Variants in SLC24A4 observed in about 807,000 individuals in gnomAD.
SLC24A4 encodes sodium/potassium/calcium exchanger 4.
Under a neutral mutation model 79.0 loss-of-function variants are expected in SLC24A4, and 53 were observed. The observed-to-expected ratio is 0.67, with a 90% CI of 0.54 to 0.84. The LOEUF is 0.84. Ranked by LOEUF, SLC24A4 falls within the 40% of genes least tolerant of loss-of-function variation. SLC24A4 has a pLI of 0.00. For synonymous variants in SLC24A4, 323 were observed against 323.8 expected (o/e 1.00, Z 0.03); for missense variants, 731 against 822.0 (o/e 0.89, Z 1.35).
chr14:92,453,661 G>A (rs1595307160), intron 10 of SLC24A4: 8 of 448,342 alleles, frequency 1.8e-5, no homozygotes, highest in Admixed American at 4.5e-5. Context: ...GCCCACGAGT[G>A]GTCCTGGAGC....
Position 92,376,450 on chromosome 14 carries a change from C to T in SLC24A4, c.241+50472C>T, listed in dbSNP as rs184108192. Among the ~76,000 whole-genome samples, 172 of 152,358 alleles carry T rather than the reference C, an allele frequency of 1.1e-3. 3 individuals are homozygous for T. Among genetic ancestry groups the T allele is most frequent in the Admixed American group, 0.011 (162 of 15,304 alleles). On this transcript the variant is annotated intron_variant, in intron 2 of 16. Coordinates refer to ENST00000532405, the MANE Select transcript of SLC24A4 (RefSeq NM_153646.4). ...GCCCACGCATGTTCCCAGGCCACGT[C>T]GGGGCAGCTGGGGGCAGCGTGGGAG...
intron 2 of SLC24A4, among the ~76,000 whole-genome samples, chr14:92,383,048 A>G (rs1888943933): frequency 6.6e-6 from 1 of 152,028 alleles, no homozygotes; most frequent in Non-Finnish European, 1.5e-5. Flanking sequence ...CCCACTGGCC[A>G]CGTGTGGACC....
chr14:92,413,163 C>T (rs937899545), intron 2 of SLC24A4, among the ~76,000 whole-genome samples: 3 of 152,144 alleles, frequency 2.0e-5, no homozygotes, highest in Admixed American at 1.3e-4. Context: ...ATACTCTCAT[C>T]CTGTCGTTGC....
At chr14:92,402,452 A>G (rs942604230) in intron 2 of SLC24A4, among the ~76,000 whole-genome samples, 1 of 152,170 alleles carries the variant, frequency 6.6e-6, no homozygotes, top group African/African-American at 2.4e-5. Context: ...CCAGCCAGGT[A>G]ATATAGGCAG....
chr14:92,382,784 A>G (rs1322046380), intron 2 of SLC24A4, among the ~76,000 whole-genome samples: 1 of 152,222 alleles, frequency 6.6e-6, no homozygotes, highest in Non-Finnish European at 1.5e-5. Context: ...AATTGCCAGG[A>G]AAAGTGGACC....
In SLC24A4 at chr14:92,491,708, G is replaced by A. The variant is rs771075449; in HGVS notation, c.1581G>A (p.Val527=). The change falls in exon 15 of 17, where the codon GTG becomes GTA. Residue 527 remains valine, a synonymous_variant. Transcript: ENST00000532405. ...MAVSNTIGSN[V]FDILVGLGVP... is the part of the protein sequence containing the mutation. Reference sequence around the variant, plus strand: ...TCTCCAACACCATAGGAAGCAACGTGTTTGACATCCTGGTAGGACTTGGTG... The same window carrying A: ...TCTCCAACACCATAGGAAGCAACGTATTTGACATCCTGGTAGGACTTGGTG... The A allele has an allele frequency of 1.2e-6, 2 of 1,614,032 alleles. No individual in the cohort carries two copies. The highest frequency in any genetic ancestry group is 2.2e-5 in the East Asian group (1 of 44,888).
intron 2 of SLC24A4, among the ~76,000 whole-genome samples, chr14:92,343,954 T>C (rs1886381102): frequency 6.6e-6 from 1 of 152,134 alleles, no homozygotes; most frequent in Non-Finnish European, 1.5e-5. Context: ...CCACCTGCTT[T>C]GGCCTCCCAA....
chr14:92,478,741 C>T (rs956846796), intron 12 of SLC24A4, among the ~76,000 whole-genome samples: 1 of 151,726 alleles, frequency 6.6e-6, no homozygotes, highest in Non-Finnish European at 1.5e-5. Flanking sequence ...TTCTGCTCAG[C>T]TACCTGGGAT....
intron 10 of SLC24A4, chr14:92,452,457 G>A (rs1893194915): frequency 6.6e-6 from 1 of 152,144 alleles, no homozygotes; most frequent in South Asian, 2.1e-4. Flanking sequence ...TCATCCCAAA[G>A]GCCAGAGGCC....
intron 2 of SLC24A4, among the ~76,000 whole-genome samples, chr14:92,364,815 C>A (rs1055895890): frequency 6.6e-6 from 1 of 152,226 alleles, no homozygotes; most frequent in Non-Finnish European, 1.5e-5. Flanking sequence ...CCTGCTCCAT[C>A]ATAGCCAACG....
intron 2 of SLC24A4, among the ~76,000 whole-genome samples, chr14:92,403,081 C>T (rs1433664213): frequency 1.3e-5 from 2 of 152,112 alleles, no homozygotes; most frequent in East Asian, 3.9e-4. Context: ...GCTTTCAGGT[C>T]CTGCAGAAGG....
chr14:92,501,087 G>A lies in SLC24A4; in HGVS notation c.*7459G>A, dbSNP rs1228877171. 1 of 152,208 alleles carries A rather than the reference G, an allele frequency of 6.6e-6. No individual in the cohort carries two copies. Among genetic ancestry groups the A allele is most frequent in the Admixed American group, 6.5e-5 (1 of 15,284 alleles). 9.4% of individuals were successfully genotyped at this position (152,208 alleles called of 1,614,324 possible). A position where few individuals can be genotyped will look rare whatever the true frequency, so the allele number is the denominator to read the frequency against. ...ACTAAAACGAAGAACTTCTGGGGCT[G>A]TTCACACATTGTTCAAGTCACCCCA... On this transcript the variant is annotated 3_prime_UTR_variant, in exon 17 of 17. Transcript: ENST00000532405.
intron 2 of SLC24A4, among the ~76,000 whole-genome samples, chr14:92,367,202 T>A (rs2141678741): frequency 6.6e-6 from 1 of 152,332 alleles, no homozygotes; most frequent in South Asian, 2.1e-4. Flanking sequence ...AACCAGAGTG[T>A]GTCCAACATG....
intron 12 of SLC24A4, among the ~76,000 whole-genome samples, chr14:92,458,289 G>A (rs902172368): frequency 3.9e-5 from 6 of 152,176 alleles, no homozygotes; most frequent in Non-Finnish European, 8.8e-5. Flanking sequence ...TCCCTGACTG[G>A]GGTCACAGAG....
At chr14:92,357,397 C>A (rs2141657488) in intron 2 of SLC24A4, among the ~76,000 whole-genome samples, 1 of 152,284 alleles carries the variant, frequency 6.6e-6, no homozygotes, top group East Asian at 1.9e-4. Context: ...TACACCCAGG[C>A]ACATGGCAGC....
intron 10 of SLC24A4, chr14:92,451,148 A>C (rs1449774041): frequency 6.6e-6 from 1 of 152,290 alleles, no homozygotes; most frequent in African/African-American, 2.4e-5. Flanking sequence ...ATGCATTTAG[A>C]TAAGGGCCAA....
intron 2 of SLC24A4, among the ~76,000 whole-genome samples, chr14:92,417,985 C>G (rs1891074795): frequency 6.6e-6 from 1 of 152,208 alleles, no homozygotes; most frequent in South Asian, 2.1e-4. Context: ...TCAACCAGCA[C>G]CCACTGAGGA....
intron 12 of SLC24A4, chr14:92,462,351 A>C (rs1893864039): frequency 6.6e-6 from 1 of 152,196 alleles, no homozygotes; most frequent in African/African-American, 2.4e-5. Flanking sequence ...GGTAAAACGC[A>C]CTAAGTACTT....
intron 2 of SLC24A4, among the ~76,000 whole-genome samples, chr14:92,362,503 G>T (rs1319222700): frequency 2.6e-5 from 4 of 152,178 alleles, no homozygotes; most frequent in African/African-American, 4.8e-5. Flanking sequence ...TGAACCCTGA[G>T]ATTCATATCA....
Sources: allele counts gnomAD v4.1 joint callset (sites outside exome capture counted in the v4.1 genomes callset), GRCh38; gene constraint gnomAD v4.1.1; transcripts MANE v1.5; gene names NCBI Gene and HGNC (gene_info 2026-07-23, HGNC 2026-07-21).